Variants in ANKFY1 observed in about 807,000 individuals in gnomAD.
The protein encoded by ANKFY1 is ankyrin repeat and FYVE domain containing 1.
Under a neutral mutation model 128.3 loss-of-function variants are expected in ANKFY1, and 47 were observed. That is an observed-to-expected ratio of 0.37 (90% confidence interval 0.29 to 0.47). ANKFY1 has a LOEUF of 0.47. Among genes scored for constraint, ANKFY1 ranks in the 20% least tolerant of loss-of-function variants. The probability of loss-of-function intolerance (pLI) is 1.00; values close to 1 mark genes in which losing one functional copy is unlikely to be tolerated. For synonymous variants in ANKFY1, 553 were observed against 601.6 expected (o/e 0.92, Z 1.18); for missense variants, 1,222 against 1,510.6 (o/e 0.81, Z 3.17).
At chr17:4,192,195 A>T in intron 10 of ANKFY1, among the ~76,000 whole-genome samples, 1 of 137,976 alleles carries the variant, frequency 7.2e-6, no homozygotes, top group Admixed American at 7.3e-5. Context: ...TAATCTGGAG[A>T]CTCCTAGTTG....
At position 4,189,386 on chromosome 17, in the gene ANKFY1, T is replaced by C; in HGVS notation, c.1466A>G (p.Lys489Arg). Residue 489 changes from lysine to arginine, a missense_variant, in exon 11 of 25, where the codon AAG (lysine) becomes AGG (arginine). Lys to Arg is a conservative substitution (Grantham distance 26). Coordinates refer to ENST00000341657, the MANE Select transcript of ANKFY1 (RefSeq NM_001330063.2). ...TNGAHVNHRNKWGETPLHTAC... is the reference protein window; with the variant it reads ...TNGAHVNHRNRWGETPLHTAC... ...CGGCTGCCCTGTCACACTTACCCAC[T>C]TGTTTCTGTGGTTGACATGGGCACC... is the stretch of plus-strand genomic sequence containing the variant. The C allele has an allele frequency of 6.3e-7, 1 of 1,580,836 alleles. No homozygotes were observed. Among genetic ancestry groups the C allele is most frequent in the Admixed American group, 1.8e-5 (1 of 56,934 alleles).
In ANKFY1 at chr17:4,195,393, C is replaced by T. The variant is rs752872252; in HGVS notation, c.1172+10G>A. On this transcript the variant is annotated intron_variant, in intron 9 of 24. Transcript: ENST00000341657. ...ACCGCCTTCTCACTTGTGCGTGTCT[C>T]CCTACGTACTGTTTGCACTGCAGCA... 3 of 1,613,824 alleles carry T rather than the reference C, an allele frequency of 1.9e-6. No homozygotes were observed. Among genetic ancestry groups the T allele is most frequent in the East Asian group, 2.2e-5 (1 of 44,878 alleles).
chr17:4,175,361 G>GAA, intron 19 of ANKFY1, among the ~76,000 whole-genome samples: 1 of 151,408 alleles, frequency 6.6e-6, no homozygotes, highest in Non-Finnish European at 1.5e-5. Flanking sequence ...AAAAAAGAAA[G>GAA]AAAAAAAGGG....
At chr17:4,244,398 A>T (rs928065372) in intron 1 of ANKFY1, among the ~76,000 whole-genome samples, 1 of 152,222 alleles carries the variant, frequency 6.6e-6, no homozygotes, top group Non-Finnish European at 1.5e-5. Flanking sequence ...AGCCGTCATG[A>T]AACTTCTCCT....
chr17:4,242,552 C>T, intron 1 of ANKFY1, 104 bp from the exon 2 acceptor site: 1 of 997,994 alleles, frequency 1.0e-6, no homozygotes, highest in Non-Finnish European at 1.4e-6. Context: ...AGTGACTGGC[C>T]ACTTGACCGT....
chr17:4,217,221 T>A, intron 3 of ANKFY1, 103 bp from the exon 4 acceptor site: 1 of 1,298,470 alleles, frequency 7.7e-7, no homozygotes, highest in Non-Finnish European at 1.1e-6. Context: ...AATGACAGTA[T>A]ACCCAACTTA....
chr17:4,220,006 G>A (rs911778092), intron 3 of ANKFY1, among the ~76,000 whole-genome samples: 3 of 152,064 alleles, frequency 2.0e-5, no homozygotes, highest in African/African-American at 7.2e-5. Context: ...TGTATTTTTA[G>A]TTGAGATGGG....
chr17:4,249,819 T>C (rs1161643348), intron 1 of ANKFY1, among the ~76,000 whole-genome samples: 2 of 152,164 alleles, frequency 1.3e-5, no homozygotes, highest in East Asian at 3.8e-4. Flanking sequence ...TCATACACTT[T>C]GCCTTCTCCA....
intron 10 of ANKFY1, among the ~76,000 whole-genome samples, chr17:4,189,959 G>A (rs1266214993): frequency 1.3e-5 from 2 of 152,190 alleles, no homozygotes; most frequent in Non-Finnish European, 2.9e-5. Context: ...TCCTCCCTGG[G>A]ATTCCCGCTA....
intron 3 of ANKFY1, among the ~76,000 whole-genome samples, chr17:4,231,826 A>G (rs2060516597): frequency 6.6e-6 from 1 of 151,624 alleles, no homozygotes; most frequent in African/African-American, 2.4e-5. Context: ...GGTCCCAGAT[A>G]CTCAGGAGGC....
At chr17:4,211,322 G>A (rs992082913) in intron 4 of ANKFY1, among the ~76,000 whole-genome samples, 11 of 151,612 alleles carry the variant, frequency 7.3e-5, no homozygotes, top group African/African-American at 2.4e-4. Flanking sequence ...ACGTGAACCC[G>A]GGAGGCAGAG....
Position 4,178,987 on chromosome 17 carries a change from A to AC in ANKFY1, c.2467dup (p.Val823GlyfsTer43), listed in dbSNP as rs1470657639. ...ATTCAAATGGATATCGGGGTGAGAA[A>AC]CCAACAGCTGAATGATGACACCGTG... On this transcript the variant is annotated frameshift_variant, in exon 18 of 25. Coordinates refer to ENST00000341657, the MANE Select transcript of ANKFY1 (RefSeq NM_001330063.2). LOFTEE classifies it high-confidence loss of function. This position sits in a 1 kb window ranked among gnomAD's most constrained non-coding sequence, Gnocchi z 4.1. 1 of 1,614,158 alleles carries AC rather than the reference A, an allele frequency of 6.2e-7. No individual in the cohort carries two copies. Among genetic ancestry groups the AC allele is most frequent in the African/African-American group, 1.3e-5 (1 of 75,036 alleles).
intron 11 of ANKFY1, among the ~76,000 whole-genome samples, chr17:4,185,301 G>A (rs2059591825): frequency 6.6e-6 from 1 of 152,106 alleles, no homozygotes; most frequent in Admixed American, 6.6e-5. Context: ...TGCCTCCCGG[G>A]TTCAAGCGAT....
chr17:4,210,708 CAAAAAAAAAAAAA>C lies in ANKFY1; in HGVS notation c.459-774_459-762del, dbSNP rs371731375. Among the ~76,000 whole-genome samples the C allele has an allele frequency of 6.4e-4, 27 of 42,460 alleles. 1 individual carries two copies. In the South Asian group the frequency reaches 0.031, roughly 48 times the overall value. 27.9% of individuals were successfully genotyped at this position (42,460 alleles called of 152,430 possible). On this transcript the variant is annotated intron_variant, in intron 4 of 24. Coordinates refer to ENST00000341657, the MANE Select transcript of ANKFY1 (RefSeq NM_001330063.2). ...GGGCGACAAAGGCAAAACTCTGTCG[CAAAAAAAAAAAAA>C]AAAAAAAAAAAGCTCTCCTATAAGA...
chr17:4,260,290 T>C (rs1208109706), intron 1 of ANKFY1, among the ~76,000 whole-genome samples: 3 of 152,048 alleles, frequency 2.0e-5, no homozygotes, highest in African/African-American at 7.2e-5. Flanking sequence ...AAGCAAACTT[T>C]TAATTGGAAC....
At chr17:4,256,544 C>T (rs1271577068) in intron 1 of ANKFY1, among the ~76,000 whole-genome samples, 2 of 151,818 alleles carry the variant, frequency 1.3e-5, no homozygotes, top group African/African-American at 2.4e-5. Context: ...GTACAGCATC[C>T]GGGGGATTTG....
chr17:4,255,464 G>C (rs973453951), intron 1 of ANKFY1, among the ~76,000 whole-genome samples: 3 of 151,966 alleles, frequency 2.0e-5, no homozygotes, highest in Admixed American at 2.0e-4. Context: ...TGGCCAGGCT[G>C]GTCTTGAACT....
At position 4,167,719 on chromosome 17, in the gene ANKFY1, G is replaced by A. The variant is rs2059234672; in HGVS notation, c.*60C>T. 12 of 1,535,166 alleles carry A rather than the reference G, an allele frequency of 7.8e-6. No homozygotes were observed. In the South Asian group the frequency reaches 1.2e-4, roughly 16 times the overall value. Reference sequence around the variant, plus strand: ...CTGCTCTGGGTGGGGTCAGGCTGGTGAGCAGAGCAGCTGCTGGGGAGGTGA... The same window carrying A: ...CTGCTCTGGGTGGGGTCAGGCTGGTAAGCAGAGCAGCTGCTGGGGAGGTGA... On this transcript the variant is annotated 3_prime_UTR_variant, in exon 25 of 25. Coordinates refer to ENST00000341657, the MANE Select transcript of ANKFY1 (RefSeq NM_001330063.2). The surrounding 1 kb of genome is among the most constrained non-coding windows in gnomAD (Gnocchi z 4.1).
chr17:4,242,592 G>T, intron 1 of ANKFY1, 144 bp from the exon 2 acceptor site: 1 of 729,218 alleles, frequency 1.4e-6, no homozygotes, highest in Non-Finnish European at 2.1e-6. Context: ...AGTCCTACAG[G>T]ATCAAGAATG....
Sources: allele counts gnomAD v4.1 joint callset (sites outside exome capture counted in the v4.1 genomes callset), GRCh38; gene constraint gnomAD v4.1.1; non-coding constraint Gnocchi (gnomAD v3.1); transcripts MANE v1.5; gene names NCBI Gene and HGNC (gene_info 2026-07-23, HGNC 2026-07-21).